TMEM255B: variants seen among roughly 807,000 people sequenced by gnomAD.
The protein encoded by TMEM255B is transmembrane protein 255B.
Under a neutral mutation model 34.5 loss-of-function variants are expected in TMEM255B, and 35 were observed. The ratio of observed to expected loss-of-function variants is 1.01; its 90% CI spans 0.77 to 1.34. The LOEUF (loss-of-function observed/expected upper bound fraction) is 1.34, where lower values mean the gene tolerates loss of function less well. Among genes scored for constraint, TMEM255B ranks in the 40% most tolerant of loss-of-function variants. TMEM255B has a pLI of 0.00. For synonymous variants in TMEM255B, 206 were observed against 201.2 expected (o/e 1.02, Z -0.20); for missense variants, 432 against 433.2 (o/e 1.00, Z 0.02).
chr13:113,789,171 T>C (rs2050788913), intron 3 of TMEM255B, among the ~76,000 whole-genome samples: 1 of 152,074 alleles, frequency 6.6e-6, no homozygotes, highest in African/African-American at 2.4e-5. Flanking sequence ...TGGTTTTTTT[T>C]TTTTTGTAAA....
In TMEM255B at chr13:113,813,689, C is replaced by G. The variant is rs924182545; in HGVS notation, c.*1786C>G. 1 of 152,238 alleles carries G rather than the reference C, an allele frequency of 6.6e-6. No homozygotes were observed. Among genetic ancestry groups the G allele is most frequent in the African/African-American group, 2.4e-5 (1 of 41,466 alleles). 9.4% of individuals were successfully genotyped at this position (152,238 alleles called of 1,614,324 possible). A position where few individuals can be genotyped will look rare whatever the true frequency, so the allele number is the denominator to read the frequency against. ...GCGCACATCCACACATGAACGGTGG[C>G]TGGCTGGGCCCAGGGGCCCTAACGG... On this transcript the variant is annotated 3_prime_UTR_variant, in exon 9 of 9. Transcript: ENST00000375353.
At chr13:113,811,440 GT>G (rs2051303676) in intron 8 of TMEM255B, among the ~76,000 whole-genome samples, 1 of 142,376 alleles carries the variant, frequency 7.0e-6, no homozygotes, top group African/African-American at 2.7e-5. Context: ...GGGCGTGAGA[GT>G]GGCCCTGGGT....
intron 8 of TMEM255B, among the ~76,000 whole-genome samples, chr13:113,809,201 G>A (rs1247754670): frequency 1.4e-5 from 2 of 143,046 alleles, no homozygotes; most frequent in Non-Finnish European, 3.0e-5. Context: ...CCATGGTCCT[G>A]GGGGTTTACT....
chr13:113,812,091 A>T lies in TMEM255B; in HGVS notation c.*188A>T. On this transcript the variant is annotated 3_prime_UTR_variant, in exon 9 of 9. Transcript: ENST00000375353. ...AACCAGGCAGGGAGTGGGGCCCTCC[A>T]GACCCAGGCTGGTGACACCTTGGCT... 1 of 717,118 alleles carries T rather than the reference A, an allele frequency of 1.4e-6. No individual in the cohort carries two copies. 44.4% of individuals were successfully genotyped at this position (717,118 alleles called of 1,614,324 possible). A position where few individuals can be genotyped will look rare whatever the true frequency, so the allele number is the denominator to read the frequency against.
At chr13:113,763,929 G>A (rs1314481128) in intron 1 of TMEM255B, among the ~76,000 whole-genome samples, 1 of 152,260 alleles carries the variant, frequency 6.6e-6, no homozygotes, top group East Asian at 1.9e-4. Flanking sequence ...GCTGAGAAGC[G>A]AGGGACTGAG....
chr13:113,800,918 G>T lies in TMEM255B; in HGVS notation c.509+6G>T, dbSNP rs754586561. 1 of 1,203,894 alleles carries T rather than the reference G, an allele frequency of 8.3e-7. No homozygotes were observed. The highest frequency in any genetic ancestry group is 1.3e-5 in the South Asian group (1 of 76,918). The allele number at this position is 1,203,894 out of a possible 1,614,324, so 74.6% of individuals were successfully genotyped here. A position where few individuals can be genotyped will look rare whatever the true frequency, so the allele number is the denominator to read the frequency against. On this transcript the variant is annotated splice_donor_region_variant and intron_variant, in intron 6 of 8. Coordinates refer to ENST00000375353, the MANE Select transcript of TMEM255B (RefSeq NM_182614.4). The stretch of plus-strand genomic sequence containing the variant: ...GACCTCTATGCCTGCGGGAGGTGAG[G>T]GGCACCGGGGACCCCCATATCTACA...
chr13:113,806,157 T>A lies in TMEM255B; in HGVS notation c.813+1129T>A, dbSNP rs2051167623. On this transcript the variant is annotated intron_variant, in intron 8 of 8. Transcript: ENST00000375353. This position sits in a 1 kb window ranked among gnomAD's most constrained non-coding sequence, Gnocchi z 4.2. ...GGCCTGTGCACACTCTGCCCTCACG[T>A]CCAGGACAGAGAGGGCTCAGGTTTG... is the stretch of plus-strand genomic sequence containing the variant. Among the ~76,000 whole-genome samples, 1 of 152,092 alleles carries A rather than the reference T, an allele frequency of 6.6e-6. No individual in the cohort carries two copies. The highest frequency in any genetic ancestry group is 2.4e-5 in the African/African-American group (1 of 41,404).
Position 113,813,962 on chromosome 13 carries a change from C to G in TMEM255B, c.*2059C>G, listed in dbSNP as rs147149463. The stretch of plus-strand genomic sequence containing the variant: ...GGCTCCGAGTAAGAAGCTGAACAAG[C>G]AGCAGAGACCAAGAGGTTTCTGGAG... On this transcript the variant is annotated 3_prime_UTR_variant, in exon 9 of 9. Coordinates refer to ENST00000375353, the MANE Select transcript of TMEM255B (RefSeq NM_182614.4). The G allele has an allele frequency of 0.014, 2,193 of 152,294 alleles. 34 individuals are homozygous for G. Among genetic ancestry groups the G allele is most frequent in the Non-Finnish European group, 0.022 (1,485 of 68,050 alleles). 9.4% of individuals were successfully genotyped at this position (152,294 alleles called of 1,614,324 possible). A position where few individuals can be genotyped will look rare whatever the true frequency, so the allele number is the denominator to read the frequency against.
chr13:113,782,087 A>G (rs1467201081), intron 3 of TMEM255B, among the ~76,000 whole-genome samples: 2 of 152,360 alleles, frequency 1.3e-5, no homozygotes, highest in Middle Eastern at 3.4e-3. Context: ...TTTGACCTGC[A>G]TAATTTAGAC....
chr13:113,783,160 G>T (rs998549787), intron 3 of TMEM255B, among the ~76,000 whole-genome samples: 4 of 152,110 alleles, frequency 2.6e-5, no homozygotes, highest in Non-Finnish European at 5.9e-5. Context: ...GCTTCAGTGA[G>T]GTGTGGTAAG....
intron 5 of TMEM255B, among the ~76,000 whole-genome samples, 170 bp from the exon 6 acceptor site, chr13:113,800,657 C>G (rs2138573541): frequency 6.6e-6 from 1 of 152,292 alleles, no homozygotes; most frequent in Non-Finnish European, 1.5e-5. Flanking sequence ...GGGTCCTGGC[C>G]CCCGAGCCCC....
rs34757933 is a variant in TMEM255B, at chr13:113,813,779, A to G, written c.*1876A>G. 0.12 allele frequency: 18,054 copies of G among 152,160 alleles called. 1,237 individuals carry two copies. The highest frequency in any genetic ancestry group is 0.22 in the Middle Eastern group (65 of 294). 9.4% of individuals were successfully genotyped at this position (152,160 alleles called of 1,614,324 possible). A position where few individuals can be genotyped will look rare whatever the true frequency, so the allele number is the denominator to read the frequency against. ...CGCCACTGCTTGTCATTTTTATCTTATAAAATCCAGCCTCACAAGCTTGCT... is the reference window on the plus strand; with the variant it reads ...CGCCACTGCTTGTCATTTTTATCTTGTAAAATCCAGCCTCACAAGCTTGCT... On this transcript the variant is annotated 3_prime_UTR_variant, in exon 9 of 9. Coordinates refer to ENST00000375353, the MANE Select transcript of TMEM255B (RefSeq NM_182614.4).
intron 3 of TMEM255B, among the ~76,000 whole-genome samples, chr13:113,775,172 C>A (rs1481269511): frequency 6.6e-6 from 1 of 151,500 alleles, no homozygotes; most frequent in East Asian, 1.9e-4. Flanking sequence ...CAATGCACAC[C>A]ACATACACTA....
chr13:113,790,654 C>A (rs1376419281), intron 3 of TMEM255B, among the ~76,000 whole-genome samples: 2 of 147,668 alleles, frequency 1.4e-5, no homozygotes, highest in Non-Finnish European at 3.0e-5. Flanking sequence ...TGTGGACTGA[C>A]CGGACACGTG....
At chr13:113,786,593 ACTGTTG>A in intron 3 of TMEM255B, among the ~76,000 whole-genome samples, 1 of 151,828 alleles carries the variant, frequency 6.6e-6, no homozygotes, top group Admixed American at 6.6e-5. Context: ...CACCATCATC[ACTGTTG>A]TCACCATCAC....
chr13:113,806,988 C>T lies in TMEM255B; in HGVS notation c.813+1960C>T, dbSNP rs1457061872. The stretch of plus-strand genomic sequence containing the variant: ...GCCCATGCTGTCTTCCATCCTCAAC[C>T]TCAGCCGCTGCCCCTCAGGGCCCCA... On this transcript the variant is annotated intron_variant, in intron 8 of 8. Transcript: ENST00000375353. This position sits in a 1 kb window ranked among gnomAD's most constrained non-coding sequence, Gnocchi z 4.2. Among the ~76,000 whole-genome samples the T allele has an allele frequency of 6.6e-6, 1 of 152,210 alleles. No homozygotes were observed. Among genetic ancestry groups the T allele is most frequent in the African/African-American group, 2.4e-5 (1 of 41,454 alleles).
rs2051382134 is a variant in TMEM255B, at chr13:113,814,465, TTCTTGC to T, written c.*2563_*2568del. 6.6e-6 allele frequency: 1 copy of T among 152,244 alleles called. No individual in the cohort carries two copies. The highest frequency in any genetic ancestry group is 2.1e-4 in the South Asian group (1 of 4,830). 9.4% of individuals were successfully genotyped at this position (152,244 alleles called of 1,614,324 possible). On this transcript the variant is annotated 3_prime_UTR_variant, in exon 9 of 9. Coordinates refer to ENST00000375353, the MANE Select transcript of TMEM255B (RefSeq NM_182614.4). ...TTCAACTCCAAGGTCAACAGTTTTG[TTCTTGC>T]CACAAAAATGTCCTTATCCTTTATC...
In TMEM255B at chr13:113,812,757, G is replaced by T. The variant is rs1482315134; in HGVS notation, c.*854G>T. The T allele has an allele frequency of 6.3e-6, 1 of 159,774 alleles. No homozygotes were observed. Among genetic ancestry groups the T allele is most frequent in the African/African-American group, 2.4e-5 (1 of 41,412 alleles). 9.9% of individuals were successfully genotyped at this position (159,774 alleles called of 1,614,324 possible). On this transcript the variant is annotated 3_prime_UTR_variant, in exon 9 of 9. Coordinates refer to ENST00000375353, the MANE Select transcript of TMEM255B (RefSeq NM_182614.4). ...GGGTGAGCACGCCTGGGAAGCAGCAGGTCCCGGGTGGGTCACAGGCCCCGG... is the reference window on the plus strand; with the variant it reads ...GGGTGAGCACGCCTGGGAAGCAGCATGTCCCGGGTGGGTCACAGGCCCCGG...
rs55667556 is a variant in TMEM255B, at chr13:113,770,841, T to C, written c.252+1681T>C. Among the ~76,000 whole-genome samples the C allele has an allele frequency of 0.23, 35,270 of 151,990 alleles. 5,505 individuals carry two copies. The highest frequency in any genetic ancestry group is 0.44 in the African/African-American group (18,236 of 41,390). ...AGAGTCTGGAGCTGCTTGGTGCCTG[T>C]AGGGAGTTGGGTGGGCCTGAGGAGG... On this transcript the variant is annotated intron_variant, in intron 3 of 8. Transcript: ENST00000375353. The surrounding 1 kb of genome is among the most constrained non-coding windows in gnomAD (Gnocchi z 4.6).
Sources: allele counts gnomAD v4.1 joint callset (sites outside exome capture counted in the v4.1 genomes callset), GRCh38; gene constraint gnomAD v4.1.1; non-coding constraint Gnocchi (gnomAD v3.1); transcripts MANE v1.5; gene names NCBI Gene and HGNC (gene_info 2026-07-23, HGNC 2026-07-21).